Variants in NEDD4L observed in about 807,000 individuals in gnomAD.
NEDD4L encodes E3 ubiquitin-protein ligase NEDD4-like.
A neutral mutation model predicts 148.9 loss-of-function variants in NEDD4L; 54 were observed. The observed-to-expected ratio is 0.36, with a 90% confidence interval of 0.29 to 0.45. The LOEUF is 0.45. Ranked by LOEUF, NEDD4L falls within the 20% of genes least tolerant of loss-of-function variation. The pLI is 1.00. For synonymous variants in NEDD4L, 433 were observed against 440.7 expected (o/e 0.98, Z 0.22); for missense variants, 856 against 1,233.8 (o/e 0.69, Z 4.59).
intron 2 of NEDD4L, among the ~76,000 whole-genome samples, chr18:58,204,016 T>A (rs1265048009): frequency 6.6e-6 from 1 of 152,160 alleles, no homozygotes; most frequent in Non-Finnish European, 1.5e-5. Context: ...AATAAAAAAT[T>A]CAACCATTTT....
chr18:58,134,247 C>T (rs113121069), intron 1 of NEDD4L, among the ~76,000 whole-genome samples: 56 of 152,222 alleles, frequency 3.7e-4, no homozygotes, highest in African/African-American at 1.2e-3. Flanking sequence ...GTGATCCATC[C>T]GCCTCGGGCT....
intron 1 of NEDD4L, among the ~76,000 whole-genome samples, chr18:58,134,369 T>C (rs1407601293): frequency 5.4e-4 from 1 of 1,842 alleles, no homozygotes; most frequent in Non-Finnish European, 9.6e-4. Context: ...TTTTTTTTTT[T>C]TTTTTTTTTT....
chr18:58,255,822 G>C (rs1243204566), intron 5 of NEDD4L: 1 of 1,232,604 alleles, frequency 8.1e-7, no homozygotes, highest in East Asian at 3.2e-5. Context: ...GGCCTGCAGG[G>C]AGGCGTGGGT....
At chr18:58,308,539 A>T (rs2057320893) in intron 5 of NEDD4L, among the ~76,000 whole-genome samples, 1 of 152,168 alleles carries the variant, frequency 6.6e-6, no homozygotes, top group South Asian at 2.1e-4. Flanking sequence ...TTTCCCCTAG[A>T]TCTGTAACCA....
At chr18:58,094,609 C>A in intron 1 of NEDD4L, among the ~76,000 whole-genome samples, 1 of 152,208 alleles carries the variant, frequency 6.6e-6, no homozygotes, top group Non-Finnish European at 1.5e-5. Flanking sequence ...CCCATTCTCC[C>A]ATGCTCAGCC....
In NEDD4L at chr18:58,295,068, A is replaced by G. The variant is rs547597148; in HGVS notation, c.298-20914A>G. 3.3e-5 allele frequency among the ~76,000 whole-genome samples: 5 copies of G among 152,076 alleles called. No homozygotes were observed. The South Asian group carries it at 1.0e-3, about 32-fold the overall frequency. On this transcript the variant is annotated intron_variant, in intron 5 of 30. Transcript: ENST00000400345. The stretch of plus-strand genomic sequence containing the variant: ...GCCTCCCTCATCATCAGCATCCCCC[A>G]CCAGAGTGGTATGTTTGTTACAGTT...
chr18:58,325,187 A>G (rs1362742354), intron 9 of NEDD4L, 25 bp downstream of exon 9: 1 of 1,612,700 alleles, frequency 6.2e-7, no homozygotes, highest in East Asian at 2.2e-5. Context: ...ATGGTCAGGA[A>G]CACGTGCACG....
At position 58,256,589 on chromosome 18, in the gene NEDD4L, A is replaced by T. The variant is rs2048606468; in HGVS notation, c.297+4535A>T. ...TCGAGCTGGCAGGATGGCTCCTGAA[A>T]TCCGCAGGACGAACTCCGCGGAGAG... On this transcript the variant is annotated intron_variant, in intron 5 of 30. Coordinates refer to ENST00000400345, the MANE Select transcript of NEDD4L (RefSeq NM_001144967.3). The surrounding 1 kb of genome is among the most constrained non-coding windows in gnomAD (Gnocchi z 5.2). 1 of 1,232,138 alleles carries T rather than the reference A, an allele frequency of 8.1e-7. No homozygotes were observed. Among genetic ancestry groups the T allele is most frequent in the Admixed American group, 4.2e-5 (1 of 23,706 alleles). The allele number at this position is 1,232,138 out of a possible 1,614,324, so 76.3% of individuals were successfully genotyped here. A position where few individuals can be genotyped will look rare whatever the true frequency, so the allele number is the denominator to read the frequency against.
At chr18:58,188,083 CAA>C (rs915456845) in intron 2 of NEDD4L, among the ~76,000 whole-genome samples, 8 of 152,156 alleles carry the variant, frequency 5.3e-5, no homozygotes, top group Admixed American at 4.6e-4. Flanking sequence ...AATGTGGAAG[CAA>C]AGAGTCCTTC....
At chr18:58,185,521 A>G (rs2039366928) in intron 2 of NEDD4L, among the ~76,000 whole-genome samples, 1 of 152,218 alleles carries the variant, frequency 6.6e-6, no homozygotes, top group Admixed American at 6.5e-5. Context: ...CCCTTAAACT[A>G]TCATTGGAGG....
Position 58,341,560 on chromosome 18 carries a change from T to C in NEDD4L, c.1258-118T>C, listed in dbSNP as rs934800799. The C allele has an allele frequency of 2.7e-6, 3 of 1,113,336 alleles. No individual in the cohort carries two copies. The African/African-American group carries it at 4.7e-5, about 18-fold the overall frequency. The allele number at this position is 1,113,336 out of a possible 1,614,324, so 69.0% of individuals were successfully genotyped here. Reference sequence around the variant, plus strand: ...TTATGTTTAATTATTTCCTCCACGCTTTAAATAGGCCAGACCTCTTATTAT... The same window carrying C: ...TTATGTTTAATTATTTCCTCCACGCCTTAAATAGGCCAGACCTCTTATTAT... On this transcript the variant is annotated intron_variant, in intron 14 of 30. Coordinates refer to ENST00000400345, the MANE Select transcript of NEDD4L (RefSeq NM_001144967.3).
chr18:58,337,345 T>G (rs1328575570), intron 13 of NEDD4L, among the ~76,000 whole-genome samples: 1 of 152,232 alleles, frequency 6.6e-6, no homozygotes, highest in Non-Finnish European at 1.5e-5. Flanking sequence ...CCTGCATGTT[T>G]CTCTTCCACA....
chr18:58,049,708 T>C (rs983902844), intron 1 of NEDD4L, among the ~76,000 whole-genome samples: 14 of 152,160 alleles, frequency 9.2e-5, no homozygotes, highest in African/African-American at 3.1e-4. Flanking sequence ...CCGGGTGCAG[T>C]GATCACTCCT....
intron 1 of NEDD4L, among the ~76,000 whole-genome samples, chr18:58,147,561 G>A (rs111678921): frequency 0.022 from 3,413 of 152,212 alleles, 131 homozygotes; most frequent in African/African-American, 0.078. Flanking sequence ...TTGTCAGGAC[G>A]GCTGTTAATA....
intron 1 of NEDD4L, among the ~76,000 whole-genome samples, chr18:58,105,292 A>T (rs560982072): frequency 6.6e-4 from 100 of 152,234 alleles, no homozygotes; most frequent in African/African-American, 2.0e-3. Flanking sequence ...AGCTCATCGG[A>T]TGCTTTCGAG....
At chr18:58,208,025 A>T (rs1224965515) in intron 2 of NEDD4L, among the ~76,000 whole-genome samples, 3 of 152,154 alleles carry the variant, frequency 2.0e-5, no homozygotes, top group African/African-American at 7.2e-5. Context: ...CCTGAGTGAC[A>T]GAGTGAGACT....
At chr18:58,112,360 CTTTATTTATTTATTTATTTATTTATTTA>C (rs199799632) in intron 1 of NEDD4L, among the ~76,000 whole-genome samples, 70 of 143,646 alleles carry the variant, frequency 4.9e-4, no homozygotes, top group Non-Finnish European at 1.8e-4. Context: ...TCCTATTTGT[CTTTATTTATTTATTTATTTATTTATTTA>C]TTTATTTATT....
intron 1 of NEDD4L, among the ~76,000 whole-genome samples, chr18:58,078,198 C>G (rs1190209457): frequency 6.6e-6 from 1 of 152,170 alleles, no homozygotes; most frequent in African/African-American, 2.4e-5. Flanking sequence ...CAGATTTATG[C>G]TCCAGAAAGT....
At chr18:58,079,147 G>A in intron 1 of NEDD4L, among the ~76,000 whole-genome samples, 1 of 152,252 alleles carries the variant, frequency 6.6e-6, no homozygotes, top group Middle Eastern at 3.4e-3. Flanking sequence ...CAACCTTCTT[G>A]GGAGTCTTGG....
Sources: gnomAD v4.1 joint callset for allele counts (sites outside exome capture counted in the v4.1 genomes callset) on GRCh38, gnomAD v4.1.1 for gene constraint, Gnocchi (gnomAD v3.1) non-coding constraint, MANE v1.5 for transcripts, NCBI Gene and HGNC (gene_info 2026-07-23, HGNC 2026-07-21) for gene names.